Variants in SLC13A3 observed in about 807,000 individuals in gnomAD.
The protein encoded by SLC13A3 is Na(+)/dicarboxylate cotransporter 3.
SLC13A3 carries 40 observed loss-of-function variants against 59.0 expected under a neutral mutation model. That is an observed-to-expected ratio of 0.68 (90% CI 0.53 to 0.88). The LOEUF (loss-of-function observed/expected upper bound fraction) is 0.88, where lower values mean the gene tolerates loss of function less well. SLC13A3 is among the 40% of genes least tolerant of loss of function. The pLI, the probability that SLC13A3 is intolerant of heterozygous loss-of-function variation, is 0.00. For synonymous variants in SLC13A3, 317 were observed against 330.3 expected (o/e 0.96, Z 0.44); for missense variants, 699 against 783.2 (o/e 0.89, Z 1.28).
chr20:46,566,584 C>T, intron 10 of SLC13A3, 194 bp from the exon 11 acceptor site: 1 of 537,972 alleles, frequency 1.9e-6, no homozygotes, highest in Non-Finnish European at 3.2e-6. Flanking sequence ...AGCAGCCTCT[C>T]TACTTCTCGA....
chr20:46,563,822 G>C (rs1339544210), intron 11 of SLC13A3, among the ~76,000 whole-genome samples: 1 of 152,122 alleles, frequency 6.6e-6, no homozygotes, highest in Non-Finnish European at 1.5e-5. Context: ...GAACCAGATC[G>C]AGAGAGAGGT....
At chr20:46,579,576 C>CA (rs1350180587) in intron 9 of SLC13A3, among the ~76,000 whole-genome samples, 1 of 152,184 alleles carries the variant, frequency 6.6e-6, no homozygotes, top group African/African-American at 2.4e-5. Flanking sequence ...CACTGGTGGC[C>CA]AAAGGACAGG....
chr20:46,660,500 C>T (rs1388535302), intron 1 of SLC13A3, among the ~76,000 whole-genome samples: 1 of 152,028 alleles, frequency 6.6e-6, no homozygotes, highest in African/African-American at 2.4e-5. Context: ...AAGAAATTAG[C>T]CACCATTCAT....
chr20:46,567,126 A>G (rs1307625053), intron 10 of SLC13A3, among the ~76,000 whole-genome samples: 1 of 152,034 alleles, frequency 6.6e-6, no homozygotes, highest in Non-Finnish European at 1.5e-5. Flanking sequence ...TGGGAGGGAG[A>G]GGTTTCAATG....
intron 1 of SLC13A3, among the ~76,000 whole-genome samples, chr20:46,677,191 A>G (rs1331546692): frequency 2.0e-5 from 3 of 152,184 alleles, no homozygotes; most frequent in Non-Finnish European, 2.9e-5. Flanking sequence ...TGGCATTACA[A>G]GCACAAGCCA....
rs1202854403 is a variant in SLC13A3, at chr20:46,558,451, G to A, written c.*1571C>T. On this transcript the variant is annotated 3_prime_UTR_variant, in exon 13 of 13. Transcript: ENST00000279027. Reference sequence around the variant, plus strand: ...GTTGATTAACATTCTTTATTTCACAGTATTTTTGATCAGAAGTCTTAGAAA... The same window carrying A: ...GTTGATTAACATTCTTTATTTCACAATATTTTTGATCAGAAGTCTTAGAAA... 1 of 152,222 alleles carries A rather than the reference G, an allele frequency of 6.6e-6. No homozygotes were observed. The highest frequency in any genetic ancestry group is 6.5e-5 in the Admixed American group (1 of 15,284). 9.4% of individuals were successfully genotyped at this position (152,222 alleles called of 1,614,324 possible). A position where few individuals can be genotyped will look rare whatever the true frequency, so the allele number is the denominator to read the frequency against.
intron 1 of SLC13A3, among the ~76,000 whole-genome samples, chr20:46,678,610 G>C (rs1337284689): frequency 6.6e-6 from 1 of 152,202 alleles, no homozygotes; most frequent in Non-Finnish European, 1.5e-5. Flanking sequence ...AGACATTGTT[G>C]ATGGGGATGT....
chr20:46,670,450 G>GT (rs2063084751), upstream of SLC13A3, among the ~76,000 whole-genome samples: 1 of 152,196 alleles, frequency 6.6e-6, no homozygotes, highest in South Asian at 2.1e-4. Flanking sequence ...GCTTGGCCAT[G>GT]TAACTTGCTT....
intron 10 of SLC13A3, among the ~76,000 whole-genome samples, chr20:46,574,186 A>C (rs1030009640): frequency 2.0e-5 from 3 of 152,212 alleles, no homozygotes; most frequent in African/African-American, 7.2e-5. Flanking sequence ...TTCACGAAGC[A>C]CTTCAAACAA....
In SLC13A3 at chr20:46,613,741, C is replaced by T. The variant is rs755535826; in HGVS notation, c.112-16G>A. On this transcript the variant is annotated splice_polypyrimidine_tract_variant and intron_variant, in intron 1 of 12. Coordinates refer to ENST00000279027, the MANE Select transcript of SLC13A3 (RefSeq NM_022829.6). ...AGCGGCCTTCCTGCAGGAGGAGATG[C>T]ATGCTCAGAGGGTCAGCGGGGCTCG... is the stretch of plus-strand genomic sequence containing the variant. 3 of 1,579,984 alleles carry T rather than the reference C, an allele frequency of 1.9e-6. No homozygotes were observed. The South Asian group carries it at 3.5e-5, about 18-fold the overall frequency.
intron 3 of SLC13A3, among the ~76,000 whole-genome samples, chr20:46,606,388 T>C (rs931963250): frequency 2.0e-5 from 3 of 152,168 alleles, no homozygotes; most frequent in Non-Finnish European, 4.4e-5. Flanking sequence ...TTGCAGAAGG[T>C]TGGTTAGCAT....
At chr20:46,664,721 T>C (rs1053249979) in intron 1 of SLC13A3, among the ~76,000 whole-genome samples, 2 of 152,148 alleles carry the variant, frequency 1.3e-5, no homozygotes, top group South Asian at 4.2e-4. Flanking sequence ...GAGGTGCTGT[T>C]GTAGATAAGG....
rs2062160566 is a variant in SLC13A3 at position 46,583,565 on chromosome 20, A to G, written c.1219+7T>C. On this transcript the variant is annotated splice_region_variant and intron_variant, in intron 9 of 12. Transcript: ENST00000279027. The stretch of plus-strand genomic sequence containing the variant: ...GCCCACCGAGACCCCAGCCTTGACC[A>G]CCTTACCTTTGAAGTCAAACCACCA... 2.5e-6 allele frequency: 4 copies of G among 1,613,570 alleles called. No individual in the cohort carries two copies. In the Admixed American group the frequency reaches 5.0e-5, roughly 20 times the overall value.
intron 1 of SLC13A3, among the ~76,000 whole-genome samples, chr20:46,644,168 T>G (rs2062871961): frequency 6.6e-6 from 1 of 152,218 alleles, no homozygotes; most frequent in South Asian, 2.1e-4. Flanking sequence ...ATTCACTTCC[T>G]TTTCTGGGCC....
At chr20:46,628,441 T>A (rs945580166) in intron 1 of SLC13A3, among the ~76,000 whole-genome samples, 4 of 152,144 alleles carry the variant, frequency 2.6e-5, no homozygotes, top group Middle Eastern at 3.4e-3. Context: ...TCAGCTAAAA[T>A]CTCTAGGGTT....
At position 46,558,633 on chromosome 20, in the gene SLC13A3, C is replaced by G. The variant is rs1292405962; in HGVS notation, c.*1389G>C. 1 of 152,186 alleles carries G rather than the reference C, an allele frequency of 6.6e-6. No homozygotes were observed. Among genetic ancestry groups the G allele is most frequent in the Admixed American group, 6.5e-5 (1 of 15,280 alleles). The allele number at this position is 152,186 out of a possible 1,614,324, so 9.4% of individuals were successfully genotyped here. Reference sequence around the variant, plus strand: ...AAAGGAGGTGGAGCTCAACTTCCAACTCAGAGGGCCTCTCCCACTGCTCTC... The same window carrying G: ...AAAGGAGGTGGAGCTCAACTTCCAAGTCAGAGGGCCTCTCCCACTGCTCTC... On this transcript the variant is annotated 3_prime_UTR_variant, in exon 13 of 13. Transcript: ENST00000279027.
rs79366531 is a variant in SLC13A3, at chr20:46,628,585, G to C, written c.112-14860C>G. Among the ~76,000 whole-genome samples the C allele has an allele frequency of 7.5e-3, 1,146 of 152,304 alleles. 11 individuals are homozygous for C. Among genetic ancestry groups the C allele is most frequent in the Middle Eastern group, 0.034 (10 of 294 alleles). On this transcript the variant is annotated intron_variant, in intron 1 of 12. Coordinates refer to ENST00000279027, the MANE Select transcript of SLC13A3 (RefSeq NM_022829.6). ...GGGTGAACTTGATATGGATGAGGTT[G>C]GGAGGATGGCTGAAATGGAAAGTGG...
chr20:46,563,713 A>G (rs746459568), intron 11 of SLC13A3, among the ~76,000 whole-genome samples, 162 bp from the exon 12 acceptor site: 1 of 152,230 alleles, frequency 6.6e-6, no homozygotes, highest in Non-Finnish European at 1.5e-5. Context: ...GCAGAGAACA[A>G]CAGGGACAAG....
intron 6 of SLC13A3, among the ~76,000 whole-genome samples, chr20:46,589,757 G>T (rs1187521269): frequency 6.6e-6 from 1 of 152,158 alleles, no homozygotes; most frequent in African/African-American, 2.4e-5. Context: ...GGAAGGAATA[G>T]CCTTTCAACA....
Sources: gnomAD v4.1 joint callset for allele counts (sites outside exome capture counted in the v4.1 genomes callset) on GRCh38, gnomAD v4.1.1 for gene constraint, MANE v1.5 for transcripts, NCBI Gene and HGNC (gene_info 2026-07-23, HGNC 2026-07-21) for gene names.